PPP1R3E: variants seen among roughly 807,000 people sequenced by gnomAD.
PPP1R3E encodes protein phosphatase 1 regulatory subunit 3E.
Under a neutral mutation model 18.5 loss-of-function variants are expected in PPP1R3E, and 20 were observed. The ratio of observed to expected loss-of-function variants is 1.08; its 90% CI spans 0.76 to 1.58. PPP1R3E has a LOEUF of 1.58. Among genes scored for constraint, PPP1R3E ranks in the 40% most tolerant of loss-of-function variants. The pLI is 0.00. For synonymous variants in PPP1R3E, 208 were observed against 208.1 expected, an observed-to-expected ratio of 1.00 and a Z score of 0.00; for missense variants, 498 against 460.2, an observed-to-expected ratio of 1.08 and a Z score of -0.75.
At position 23,302,398 on chromosome 14, in the gene PPP1R3E, C is replaced by A; in HGVS notation, c.179G>T (p.Arg60Leu). The A allele has an allele frequency of 6.7e-7, 1 of 1,487,624 alleles. No individual in the cohort carries two copies. Among genetic ancestry groups the A allele is most frequent in the East Asian group, 2.7e-5 (1 of 36,456 alleles). The allele number at this position is 1,487,624 out of a possible 1,614,324, so 92.2% of individuals were successfully genotyped here. The change falls in exon 1 of 5, where the codon CGG becomes CTG. Residue 60 changes from arginine to leucine, a missense_variant. Arg to Leu is a moderately radical substitution (Grantham distance 102). Transcript: ENST00000452015. ...TGGTGCAGATCGGGCCCGGCGGCCC[C>A]GACTCGGTGCGTGAGCGCGGGATCG... ...GARSRAHAPSRGRRARSAPAG... is the reference protein window; with the variant it reads ...GARSRAHAPSLGRRARSAPAG...
At position 23,302,317 on chromosome 14, in the gene PPP1R3E, C is replaced by A. The variant is rs1250025607; in HGVS notation, c.260G>T (p.Arg87Ile). 6.6e-7 allele frequency: 1 copy of A among 1,516,828 alleles called. No homozygotes were observed. The allele number at this position is 1,516,828 out of a possible 1,614,324, so 94.0% of individuals were successfully genotyped here. A position where few individuals can be genotyped will look rare whatever the true frequency, so the allele number is the denominator to read the frequency against. The change falls in exon 1 of 5, where the codon AGA becomes ATA. Residue 87 changes from arginine to isoleucine, a missense_variant. Arg to Ile is a moderately conservative substitution (Grantham distance 97). Coordinates refer to ENST00000452015, the MANE Select transcript of PPP1R3E (RefSeq NM_001276318.2). ...PRSRSPDTRK[R>I]VRFADALGLE... ...CCCCAGTGCGTCGGCGAAACGCACT[C>A]TCTTGCGGGTGTCTGGGCTACGGCT...
rs1887067005 is a variant in PPP1R3E, at chr14:23,302,292, C to T, written c.285G>A (p.Gly95=). 3.9e-6 allele frequency: 6 copies of T among 1,520,832 alleles called. No individual in the cohort carries two copies. The highest frequency in any genetic ancestry group is 5.3e-6 in the Non-Finnish European group (6 of 1,141,918). 94.2% of individuals were successfully genotyped at this position (1,520,832 alleles called of 1,614,324 possible). The change falls in exon 1 of 5, where the codon GGG becomes GGA. Residue 95 remains glycine, a synonymous_variant. Coordinates refer to ENST00000452015, the MANE Select transcript of PPP1R3E (RefSeq NM_001276318.2). The part of the protein sequence containing the change: ...RKRVRFADAL[G]LELAVVRRFR... ...AGCGGCGCACGACAGCCAGCTCCAA[C>T]CCCAGTGCGTCGGCGAAACGCACTC...
rs1886942525 is a variant in PPP1R3E, at chr14:23,298,652, G to C, written c.*652C>G. The C allele has an allele frequency of 6.5e-6, 1 of 154,246 alleles. No individual in the cohort carries two copies. The highest frequency in any genetic ancestry group is 2.4e-5 in the African/African-American group (1 of 41,480). 9.6% of individuals were successfully genotyped at this position (154,246 alleles called of 1,614,324 possible). On this transcript the variant is annotated 3_prime_UTR_variant, in exon 5 of 5. Transcript: ENST00000452015. ...GCAGTGACACACATACATTAGACAA[G>C]AGATTATTACACACTGAGCCTCCAC...
chr14:23,301,666 C>G lies in PPP1R3E; in HGVS notation c.610G>C (p.Ala204Pro). Residue 204 changes from alanine to proline, a missense_variant, in exon 2 of 5, where the codon GCG becomes CCG. Transcript: ENST00000452015. ...GCCGGACCGGCGTAGGCGGCTGGCGCCTCGCGTTGGCTCCGCCAGCCGTCG... is the reference window on the plus strand; with the variant it reads ...GCCGGACCGGCGTAGGCGGCTGGCGGCTCGCGTTGGCTCCGCCAGCCGTCG... The part of the protein sequence containing the change: ...SADGWRSQRE[A>P]PAAYAGPAPP... 7.6e-7 allele frequency: 1 copy of G among 1,314,062 alleles called. No homozygotes were observed. The highest frequency in any genetic ancestry group is 9.6e-7 in the Non-Finnish European group (1 of 1,037,074). 81.4% of individuals were successfully genotyped at this position (1,314,062 alleles called of 1,614,324 possible).
rs2138404426 is a variant in PPP1R3E, at chr14:23,296,446, C to G, written c.*2858G>C. 1 of 152,124 alleles carries G rather than the reference C, an allele frequency of 6.6e-6. No homozygotes were observed. Among genetic ancestry groups the G allele is most frequent in the Middle Eastern group, 3.4e-3 (1 of 294 alleles). 9.4% of individuals were successfully genotyped at this position (152,124 alleles called of 1,614,324 possible). ...AGCTCAGTAACCTCCAACTCCTGGGCTCAAGCGATCCTCCTGTCTCAGCTT... is the reference window on the plus strand; with the variant it reads ...AGCTCAGTAACCTCCAACTCCTGGGGTCAAGCGATCCTCCTGTCTCAGCTT... On this transcript the variant is annotated 3_prime_UTR_variant, in exon 5 of 5. Transcript: ENST00000452015.
chr14:23,301,233 T>G (rs1954261291), intron 2 of PPP1R3E, 65 bp downstream of exon 2: 1 of 472,438 alleles, frequency 2.1e-6, no homozygotes, highest in Non-Finnish European at 3.4e-6. Flanking sequence ...TCCCGGAGCT[T>G]CTTTGGTTCC....
Position 23,302,344 on chromosome 14 carries a change from C to T in PPP1R3E, c.233G>A (p.Arg78His). The change falls in exon 1 of 5, where the codon CGC becomes CAC. Residue 78 changes from arginine to histidine, a missense_variant. Transcript: ENST00000452015. The part of the protein sequence containing the change: ...PAGGGGARAP[R>H]SRSPDTRKRV... ...CTTGCGGGTGTCTGGGCTACGGCTG[C>T]GGGGCGCCCGGGCCCCGCCGCCTCC... 1.3e-6 allele frequency: 2 copies of T among 1,500,614 alleles called. No homozygotes were observed. The highest frequency in any genetic ancestry group is 2.5e-5 in the South Asian group (2 of 80,158). The allele number at this position is 1,500,614 out of a possible 1,614,324, so 93.0% of individuals were successfully genotyped here.
At position 23,301,576 on chromosome 14, in the gene PPP1R3E, G is replaced by C. The variant is rs1306333462; in HGVS notation, c.700C>G (p.Leu234Val). ...RLPAPPIGGA[L>V]LFALRYRVTG... The stretch of plus-strand genomic sequence containing the variant: ...ACACGGTAGCGCAAGGCGAAGAGCA[G>C]GGCGCCCCCAATCGGCGGCGCGGGC... Residue 234 changes from leucine (L) to valine (V), a missense_variant, in exon 2 of 5, where the codon CTG becomes GTG. Leu to Val is a conservative substitution (Grantham distance 32). Transcript: ENST00000452015. The C allele has an allele frequency of 1.4e-6, 2 of 1,461,634 alleles. No individual in the cohort carries two copies. The highest frequency in any genetic ancestry group is 1.5e-5 in the African/African-American group (1 of 68,458). The allele number at this position is 1,461,634 out of a possible 1,614,324, so 90.5% of individuals were successfully genotyped here. A position where few individuals can be genotyped will look rare whatever the true frequency, so the allele number is the denominator to read the frequency against.
chr14:23,301,640 G>GGCCGGA lies in PPP1R3E; in HGVS notation c.630_635dup (p.Ala212_Pro213dup). ...AGCGGTCGGCGCGCGGCGGGGGCGG[G>GGCCGGA]GCCGGACCGGCGTAGGCGGCTGGCG... On this transcript the variant is annotated inframe_insertion, in exon 2 of 5. Transcript: ENST00000452015. 7.4e-7 allele frequency: 1 copy of GGCCGGA among 1,346,682 alleles called. No homozygotes were observed. Among genetic ancestry groups the GGCCGGA allele is most frequent in the African/African-American group, 1.5e-5 (1 of 65,530 alleles). The allele number at this position is 1,346,682 out of a possible 1,614,324, so 83.4% of individuals were successfully genotyped here. A position where few individuals can be genotyped will look rare whatever the true frequency, so the allele number is the denominator to read the frequency against.
At position 23,297,079 on chromosome 14, in the gene PPP1R3E, G is replaced by A. The variant is rs897041737; in HGVS notation, c.*2225C>T. ...CAGTGTCCCTGCTGGGTTGCCTCAG[G>A]GACCCAAGCCTATGACCCAGGTAGT... On this transcript the variant is annotated 3_prime_UTR_variant, in exon 5 of 5. Coordinates refer to ENST00000452015, the MANE Select transcript of PPP1R3E (RefSeq NM_001276318.2). The A allele has an allele frequency of 6.6e-6, 1 of 152,212 alleles. No individual in the cohort carries two copies. The highest frequency in any genetic ancestry group is 1.5e-5 in the Non-Finnish European group (1 of 68,066). The allele number at this position is 152,212 out of a possible 1,614,324, so 9.4% of individuals were successfully genotyped here. A position where few individuals can be genotyped will look rare whatever the true frequency, so the allele number is the denominator to read the frequency against.
At position 23,301,768 on chromosome 14, in the gene PPP1R3E, C is replaced by T. The variant is rs1887048941; in HGVS notation, c.508G>A (p.Gly170Ser). 4 of 1,431,072 alleles carry T rather than the reference C, an allele frequency of 2.8e-6. No homozygotes were observed. In the East Asian group the frequency reaches 1.2e-4, roughly 44 times the overall value. The allele number at this position is 1,431,072 out of a possible 1,614,324, so 88.6% of individuals were successfully genotyped here. ...GCGCTCCCGGCCACGCCCAGCGGGC[C>T]CGCCTCGGCGCGTTCCAGGCAGATG... The part of the protein sequence containing the change: ...QRICLERAEA[G>S]PLGVAGSARV... The change falls in exon 2 of 5, where the codon GGC becomes AGC. Residue 170 changes from glycine (G) to serine (S), a missense_variant. Coordinates refer to ENST00000452015, the MANE Select transcript of PPP1R3E (RefSeq NM_001276318.2).
In PPP1R3E at chr14:23,296,609, C is replaced by T. The variant is rs563620762; in HGVS notation, c.*2695G>A. The T allele has an allele frequency of 3.3e-5, 5 of 152,408 alleles. No individual in the cohort carries two copies. In the East Asian group the frequency reaches 9.6e-4, roughly 29 times the overall value. 9.4% of individuals were successfully genotyped at this position (152,408 alleles called of 1,614,324 possible). On this transcript the variant is annotated 3_prime_UTR_variant, in exon 5 of 5. Transcript: ENST00000452015. The stretch of plus-strand genomic sequence containing the variant: ...AAGCAATGCTCCTGCCTCAGCCTCC[C>T]AAAGTGTTGCGATTACAGGTATGAA...
Position 23,297,981 on chromosome 14 carries a change from C to T in PPP1R3E, c.*1323G>A, listed in dbSNP as rs1482442342. 1 of 152,050 alleles carries T rather than the reference C, an allele frequency of 6.6e-6. No individual in the cohort carries two copies. The highest frequency in any genetic ancestry group is 1.5e-5 in the Non-Finnish European group (1 of 68,074). The allele number at this position is 152,050 out of a possible 1,614,324, so 9.4% of individuals were successfully genotyped here. The stretch of plus-strand genomic sequence containing the variant: ...AGTCACGGACCCAACCTAGTGGCGA[C>T]ATTAGGGGGTTTGCCTGTTCAAGGC... On this transcript the variant is annotated 3_prime_UTR_variant, in exon 5 of 5. Transcript: ENST00000452015.
In PPP1R3E at chr14:23,302,190, C is replaced by T; in HGVS notation, c.387G>A (p.Ala129=). ...QLQRDALRHF[A]PCQPRARGLQ... ...GGCCGCGGGCGCGGGGCTGGCAGGGCGCGAAGTGGCGGAGGGCGTCCCTCT... is the reference window on the plus strand; with the variant it reads ...GGCCGCGGGCGCGGGGCTGGCAGGGTGCGAAGTGGCGGAGGGCGTCCCTCT... The change falls in exon 1 of 5, where the codon GCG becomes GCA. Residue 129 remains alanine (A), a synonymous_variant. Transcript: ENST00000452015. 6.9e-7 allele frequency: 1 copy of T among 1,438,910 alleles called. No individual in the cohort carries two copies. Among genetic ancestry groups the T allele is most frequent in the African/African-American group, 1.5e-5 (1 of 67,386 alleles). 89.1% of individuals were successfully genotyped at this position (1,438,910 alleles called of 1,614,324 possible).
In PPP1R3E at chr14:23,296,349, G is replaced by GGTCT. The variant is rs1315869029; in HGVS notation, c.*2954_*2955insAGAC. The GGTCT allele has an allele frequency of 6.6e-6, 1 of 152,046 alleles. No homozygotes were observed. Among genetic ancestry groups the GGTCT allele is most frequent in the Non-Finnish European group, 1.5e-5 (1 of 68,020 alleles). The allele number at this position is 152,046 out of a possible 1,614,324, so 9.4% of individuals were successfully genotyped here. A position where few individuals can be genotyped will look rare whatever the true frequency, so the allele number is the denominator to read the frequency against. ...CCATGAAGAATCACGGGCTTGTGTA[G>GGTCT]AGACCTCTTTCTTTTCTTTTTTTTT... On this transcript the variant is annotated 3_prime_UTR_variant, in exon 5 of 5. Transcript: ENST00000452015.
rs1307739582 is a variant in PPP1R3E at position 23,302,485 on chromosome 14, C to T, written c.92G>A (p.Arg31Gln). The T allele has an allele frequency of 1.3e-6, 2 of 1,506,044 alleles. No individual in the cohort carries two copies. Among genetic ancestry groups the T allele is most frequent in the Admixed American group, 2.2e-5 (1 of 46,168 alleles). The allele number at this position is 1,506,044 out of a possible 1,614,324, so 93.3% of individuals were successfully genotyped here. Residue 31 changes from arginine (R) to glutamine (Q), a missense_variant, in exon 1 of 5, where the codon CGG becomes CAG. By Grantham distance (43) the Arg-to-Gln change is conservative (BLOSUM62 1). Transcript: ENST00000452015. ...LTERAYYRSQRPSLEEEPEEE... is the reference protein window; with the variant it reads ...LTERAYYRSQQPSLEEEPEEE... Reference sequence around the variant, plus strand: ...CTCCGGCTCCTCCTCGAGGCTGGGCCGCTGGCTACGGTAGTAGGCGCGCTC... The same window carrying T: ...CTCCGGCTCCTCCTCGAGGCTGGGCTGCTGGCTACGGTAGTAGGCGCGCTC...
chr14:23,302,493 A>G lies in PPP1R3E; in HGVS notation c.84T>C (p.Arg28=). 6.6e-7 allele frequency: 1 copy of G among 1,504,218 alleles called. No homozygotes were observed. Among genetic ancestry groups the G allele is most frequent in the Non-Finnish European group, 8.8e-7 (1 of 1,135,506 alleles). 93.2% of individuals were successfully genotyped at this position (1,504,218 alleles called of 1,614,324 possible). A position where few individuals can be genotyped will look rare whatever the true frequency, so the allele number is the denominator to read the frequency against. ...IAALTERAYY[R]SQRPSLEEEP... ...CCTCCTCGAGGCTGGGCCGCTGGCT[A>G]CGGTAGTAGGCGCGCTCCGTTAGCG... Residue 28 remains arginine, a synonymous_variant, in exon 1 of 5, where the codon CGT becomes CGC. Coordinates refer to ENST00000452015, the MANE Select transcript of PPP1R3E (RefSeq NM_001276318.2).
Position 23,302,615 on chromosome 14 carries a change from C to A in PPP1R3E, c.-39G>T, listed in dbSNP as rs1171631386. 3 of 1,399,134 alleles carry A rather than the reference C, an allele frequency of 2.1e-6. No individual in the cohort carries two copies. In the African/African-American group the frequency reaches 4.6e-5, roughly 21 times the overall value. 86.7% of individuals were successfully genotyped at this position (1,399,134 alleles called of 1,614,324 possible). On this transcript the variant is annotated 5_prime_UTR_variant, in exon 1 of 5. Coordinates refer to ENST00000452015, the MANE Select transcript of PPP1R3E (RefSeq NM_001276318.2). The stretch of plus-strand genomic sequence containing the variant: ...CCGGCGGGGCCAGCTCGCAGCGCCA[C>A]CGCGCTCCCCTCTCTTCCTCTCTCC...
At position 23,302,408 on chromosome 14, in the gene PPP1R3E, C is replaced by A; in HGVS notation, c.169G>T (p.Ala57Ser). ...TRFGARSRAH[A>S]PSRGRRARSA... ...CGGGCCCGGCGGCCCCGACTCGGTGCGTGAGCGCGGGATCGGGCCCCGAAC... is the reference window on the plus strand; with the variant it reads ...CGGGCCCGGCGGCCCCGACTCGGTGAGTGAGCGCGGGATCGGGCCCCGAAC... The change falls in exon 1 of 5, where the codon GCA (alanine) becomes TCA (serine). Residue 57 changes from alanine (A) to serine (S), a missense_variant. Transcript: ENST00000452015. 1 of 1,492,302 alleles carries A rather than the reference C, an allele frequency of 6.7e-7. No homozygotes were observed. Among genetic ancestry groups the A allele is most frequent in the South Asian group, 1.3e-5 (1 of 78,574 alleles). 92.4% of individuals were successfully genotyped at this position (1,492,302 alleles called of 1,614,324 possible).
Sources: allele counts gnomAD v4.1 joint callset, GRCh38; gene constraint gnomAD v4.1.1; transcripts MANE v1.5; gene names NCBI Gene and HGNC (gene_info 2026-07-23, HGNC 2026-07-21).